The following WWC1 variants were observed in gnomAD, a reference collection of about 807,000 sequenced individuals.
The protein encoded by WWC1 is WW and C2 domain containing 1.
Under a neutral mutation model 138.4 loss-of-function variants are expected in WWC1, and 55 were observed. That is an observed-to-expected ratio of 0.40 (90% confidence interval 0.32 to 0.50). WWC1 has a LOEUF of 0.50. Among genes scored for constraint, WWC1 ranks in the 20% least tolerant of loss-of-function variants. The pLI is 0.72. For missense variants in WWC1, 1,226 were observed against 1,420.4 expected (o/e 0.86, Z 2.20); for synonymous variants, 524 against 564.9 (o/e 0.93, Z 1.03).
At chr5:168,373,273 T>C (rs1776893625) in intron 2 of WWC1, among the ~76,000 whole-genome samples, 1 of 151,980 alleles carries the variant, frequency 6.6e-6, no homozygotes, top group Non-Finnish European at 1.5e-5. Context: ...TGGGAGCTGT[T>C]GGAAAAATGG....
intron 13 of WWC1, among the ~76,000 whole-genome samples, chr5:168,429,449 G>A (rs1419118230): frequency 3.3e-5 from 5 of 151,692 alleles, no homozygotes; most frequent in Non-Finnish European, 7.4e-5. Flanking sequence ...AATAGAGATG[G>A]AGTTTCACCA....
chr5:168,362,674 G>A (rs984788059), intron 1 of WWC1, among the ~76,000 whole-genome samples: 9 of 152,174 alleles, frequency 5.9e-5, no homozygotes, highest in Non-Finnish European at 1.2e-4. Flanking sequence ...AACCCAACAG[G>A]CAGCACACAG....
In WWC1 at chr5:168,409,917, T is replaced by A; in HGVS notation, c.868-5T>A. 1 of 1,613,852 alleles carries A rather than the reference T, an allele frequency of 6.2e-7. No individual in the cohort carries two copies. Among genetic ancestry groups the A allele is most frequent in the Non-Finnish European group, 8.5e-7 (1 of 1,179,848 alleles). ...ATAATTCCTGACTTTGTTCTTCTCC[T>A]CCAGTTCGGCATCAACAGCAACAAT... On this transcript the variant is annotated splice_region_variant and splice_polypyrimidine_tract_variant and intron_variant, in intron 7 of 22. Transcript: ENST00000265293.
At chr5:168,357,499 C>T (rs1045711261) in intron 1 of WWC1, among the ~76,000 whole-genome samples, 27 of 139,868 alleles carry the variant, frequency 1.9e-4, no homozygotes, top group African/African-American at 3.1e-4. Context: ...TGTGTGCGCG[C>T]GCGCACGCAT....
In WWC1 at chr5:168,469,113, C is replaced by T. The variant is rs538950204; in HGVS notation, c.*96C>T. On this transcript the variant is annotated 3_prime_UTR_variant, in exon 23 of 23. Coordinates refer to ENST00000265293, the MANE Select transcript of WWC1 (RefSeq NM_015238.3). ...GTGGTGTTATATGAAGGTACTGAGT[C>T]ACAAGTCCTCTAGTGCTCTTGTTGG... 2 of 1,445,628 alleles carry T rather than the reference C, an allele frequency of 1.4e-6. 1 individual carries two copies. The highest frequency in any genetic ancestry group is 4.6e-5 in the East Asian group (2 of 43,678). 89.6% of individuals were successfully genotyped at this position (1,445,628 alleles called of 1,614,324 possible).
chr5:168,463,134 C>T (rs1228436897), intron 20 of WWC1, among the ~76,000 whole-genome samples: 3 of 152,210 alleles, frequency 2.0e-5, no homozygotes, highest in Non-Finnish European at 2.9e-5. Context: ...TAAATCACCA[C>T]AAACTTAGCA....
At chr5:168,426,799 C>T (rs1781537822) in intron 11 of WWC1, among the ~76,000 whole-genome samples, 1 of 152,214 alleles carries the variant, frequency 6.6e-6, no homozygotes, top group Admixed American at 6.5e-5. Flanking sequence ...TTGCCCTGCT[C>T]CGGTCTGCCC....
At chr5:168,428,980 A>G (rs763656829) in intron 13 of WWC1, among the ~76,000 whole-genome samples, 193 bp downstream of exon 13, 15 of 152,148 alleles carry the variant, frequency 9.9e-5, no homozygotes, top group Non-Finnish European at 1.9e-4. Context: ...TCCGCTTTAC[A>G]GATAGGAGAA....
In WWC1 at chr5:168,291,916, A is replaced by G. The variant is rs1050496196; in HGVS notation, c.-237A>G. On this transcript the variant is annotated 5_prime_UTR_variant, in exon 1 of 23. It removes an upstream start codon present in the reference 5' UTR. Coordinates refer to ENST00000265293, the MANE Select transcript of WWC1 (RefSeq NM_015238.3). ...TCGCACCGCGCCGCTGCGGACGCAC[A>G]TGGCAGCGTGAGAGGCCGGCGGCGG... 2 of 220,206 alleles carry G rather than the reference A, an allele frequency of 9.1e-6. No homozygotes were observed. Among genetic ancestry groups the G allele is most frequent in the East Asian group, 2.0e-4 (2 of 9,922 alleles). The allele number at this position is 220,206 out of a possible 1,614,324, so 13.6% of individuals were successfully genotyped here.
chr5:168,355,928 GAGACGGGGAGCC>G (rs1775374039), intron 1 of WWC1, among the ~76,000 whole-genome samples: 1 of 149,170 alleles, frequency 6.7e-6, no homozygotes, highest in African/African-American at 2.5e-5. Flanking sequence ...GAGAGAAAGA[GAGACGGGGAGCC>G]AGAGAGACGG....
At chr5:168,322,276 CA>C (rs756936829) in intron 1 of WWC1, among the ~76,000 whole-genome samples, 12,251 of 125,176 alleles carry the variant, frequency 0.098, 1,385 homozygotes, top group African/African-American at 0.29. Context: ...TTGGAAAATA[CA>C]AAAAAAAAAA....
chr5:168,441,898 C>T (rs751408993), intron 16 of WWC1, 64 bp downstream of exon 16: 1 of 1,562,236 alleles, frequency 6.4e-7, no homozygotes, highest in African/African-American at 1.4e-5. Flanking sequence ...AAGGGAAAGC[C>T]TCTCCCAGAA....
intron 1 of WWC1, among the ~76,000 whole-genome samples, chr5:168,343,598 C>T (rs140350344): frequency 1.2e-3 from 175 of 152,038 alleles, no homozygotes; most frequent in African/African-American, 3.9e-3. Flanking sequence ...CCGAGGTGGG[C>T]GGATCACAAA....
intron 1 of WWC1, among the ~76,000 whole-genome samples, chr5:168,348,261 C>G (rs577233027): frequency 6.6e-6 from 1 of 152,276 alleles, no homozygotes; most frequent in African/African-American, 2.4e-5. Flanking sequence ...TGTGTGTGCA[C>G]GGGTGTGTGC....
In WWC1 at chr5:168,441,804, CATG is replaced by C; in HGVS notation, c.2404_2406del (p.Met802del). On this transcript the variant is annotated inframe_deletion, in exon 16 of 23. Coordinates refer to ENST00000265293, the MANE Select transcript of WWC1 (RefSeq NM_015238.3). ...GCAGGGAGCTCAAGCCAGTGGGAGT[CATG>C]GCCCCTGCCTCAGGGCCTGCCAGCA... is the stretch of plus-strand genomic sequence containing the variant. 1.2e-6 allele frequency: 2 copies of C among 1,613,734 alleles called. No homozygotes were observed. Among genetic ancestry groups the C allele is most frequent in the Non-Finnish European group, 1.7e-6 (2 of 1,179,854 alleles).
In WWC1 at chr5:168,304,762, G is replaced by A. The variant is rs141690264; in HGVS notation, c.119+12491G>A. On this transcript the variant is annotated intron_variant, in intron 1 of 22. Coordinates refer to ENST00000265293, the MANE Select transcript of WWC1 (RefSeq NM_015238.3). The stretch of plus-strand genomic sequence containing the variant: ...GTGGTTGAATGGCAGACGCTGGCCA[G>A]GATTGCAGAATCGCCTGAGCACAGG... 4.5e-4 allele frequency among the ~76,000 whole-genome samples: 68 copies of A among 152,150 alleles called. 1 individual carries two copies. The East Asian group carries it at 0.01, about 22-fold the overall frequency.
chr5:168,431,497 G>A (rs1781941795), intron 15 of WWC1, 53 bp downstream of exon 15: 82 of 897,728 alleles, frequency 9.1e-5, no homozygotes, highest in East Asian at 1.1e-4. Flanking sequence ...TGGCTGGCTG[G>A]CTGGCTGACC....
At chr5:168,365,861 GCCCCTCCAGCAT>G (rs2152803364) in intron 1 of WWC1, among the ~76,000 whole-genome samples, 1 of 152,318 alleles carries the variant, frequency 6.6e-6, no homozygotes, top group East Asian at 1.9e-4. Context: ...CTCCCTTCTT[GCCCCTCCAGCAT>G]CTGGGTCATT....
chr5:168,354,412 G>A (rs536798070), intron 1 of WWC1, among the ~76,000 whole-genome samples: 35 of 152,236 alleles, frequency 2.3e-4, no homozygotes, highest in African/African-American at 7.7e-4. Context: ...TAAATCAGGG[G>A]CTCATTGTTG....
Sources: allele counts gnomAD v4.1 joint callset (sites outside exome capture counted in the v4.1 genomes callset), GRCh38; gene constraint gnomAD v4.1.1; transcripts MANE v1.5; gene names NCBI Gene and HGNC (gene_info 2026-07-23, HGNC 2026-07-21).